PPP6R1: variants seen among roughly 807,000 people sequenced by gnomAD.
PPP6R1 encodes serine/threonine-protein phosphatase 6 regulatory subunit 1.
Under a neutral mutation model 104.6 loss-of-function variants are expected in PPP6R1, and 39 were observed. The observed-to-expected ratio is 0.37, with a 90% CI of 0.29 to 0.49. The LOEUF (loss-of-function observed/expected upper bound fraction) is 0.49, where lower values mean the gene tolerates loss of function less well. Among genes scored for constraint, PPP6R1 ranks in the 20% least tolerant of loss-of-function variants. The pLI, the probability that PPP6R1 is intolerant of heterozygous loss-of-function variation, is 0.98. For missense variants in PPP6R1, 1,181 were observed against 1,155.8 expected (o/e 1.02, Z -0.32); for synonymous variants, 549 against 479.0 (o/e 1.15, Z -1.91).
intron 1 of PPP6R1, among the ~76,000 whole-genome samples, chr19:55,252,440 C>T (rs1395881817): frequency 1.3e-5 from 2 of 151,082 alleles, no homozygotes; most frequent in Admixed American, 6.6e-5. Context: ...GCTCTGTCAC[C>T]CAGGCTGGAG....
rs574944380 is a variant in PPP6R1, at chr19:55,237,113, G to A, written c.1752-143C>T. The A allele has an allele frequency of 1.3e-3, 1,111 of 839,150 alleles. 4 individuals carry two copies. Among genetic ancestry groups the A allele is most frequent in the Non-Finnish European group, 8.0e-4 (407 of 506,636 alleles). 52.0% of individuals were successfully genotyped at this position (839,150 alleles called of 1,614,324 possible). ...GTATCTGCAAATTCACACACAACCC[G>A]AACCACTGGTCCTAAGGGGCAACGC... is the stretch of plus-strand genomic sequence containing the variant. On this transcript the variant is annotated intron_variant, in intron 15 of 23. Coordinates refer to ENST00000412770, the MANE Select transcript of PPP6R1 (RefSeq NM_014931.4).
chr19:55,243,097 T>C (rs1043731872), intron 5 of PPP6R1, among the ~76,000 whole-genome samples: 1 of 152,096 alleles, frequency 6.6e-6, no homozygotes, highest in Non-Finnish European at 1.5e-5. Flanking sequence ...TGATGGCACA[T>C]GCCTATAATC....
chr19:55,255,513 A>G (rs1430119445), intron 1 of PPP6R1, among the ~76,000 whole-genome samples: 3 of 152,190 alleles, frequency 2.0e-5, no homozygotes, highest in East Asian at 3.9e-4. Context: ...TGGGGTTACT[A>G]TAAGGCAGCA....
At chr19:55,238,144 T>A (rs2087415692) in intron 15 of PPP6R1, among the ~76,000 whole-genome samples, 1 of 151,548 alleles carries the variant, frequency 6.6e-6, no homozygotes, top group Non-Finnish European at 1.5e-5. Context: ...CAAGCGATCC[T>A]CCTGCCTCGG....
Position 55,236,947 on chromosome 19 carries a change from T to C in PPP6R1, c.1775A>G (p.Asn592Ser), listed in dbSNP as rs376126042. 2.5e-6 allele frequency: 4 copies of C among 1,613,202 alleles called. No homozygotes were observed. Among genetic ancestry groups the C allele is most frequent in the South Asian group, 1.1e-5 (1 of 91,044 alleles). ...SVNAPFDKTA[N>S]ITFSLNADDE... The stretch of plus-strand genomic sequence containing the variant: ...GTCAGCATTGAGGGAGAAGGTGATG[T>C]TGGCTGTCTTGTCAAAAGGTGCGCT... The change falls in exon 16 of 24, where the codon AAC (asparagine) becomes AGC (serine). Residue 592 changes from asparagine (N) to serine (S), a missense_variant. By Grantham distance (46) the Asn-to-Ser change is conservative. Transcript: ENST00000412770.
intron 11 of PPP6R1, 52 bp from the exon 12 acceptor site, chr19:55,240,166 C>G: frequency 1.9e-6 from 3 of 1,561,102 alleles, no homozygotes; most frequent in Non-Finnish European, 2.6e-6. Context: ...CCAGGGATGC[C>G]CAGCCCCAGC....
At chr19:55,228,982 T>C (rs1343537121), downstream of PPP6R1, 1 of 501,378 alleles carries the variant, frequency 2.0e-6, no homozygotes, top group East Asian at 3.2e-5. Flanking sequence ...TTCCTCCTCC[T>C]ATCTGCCTGG....
At chr19:55,240,462 C>T (rs945226848) in intron 10 of PPP6R1, among the ~76,000 whole-genome samples, 162 bp from the exon 11 acceptor site, 4 of 152,000 alleles carry the variant, frequency 2.6e-5, no homozygotes, top group African/African-American at 9.7e-5. Context: ...GCTTGGGACC[C>T]TGGCATCCAC....
intron 1 of PPP6R1, among the ~76,000 whole-genome samples, chr19:55,251,583 C>A (rs1334786963): frequency 1.3e-5 from 2 of 152,324 alleles, no homozygotes; most frequent in East Asian, 3.9e-4. Context: ...CAAGGAAATA[C>A]AACTGTTTCC....
chr19:55,245,731 G>A lies in PPP6R1; in HGVS notation c.228-53C>T, dbSNP rs1199964608. 3 of 1,405,894 alleles carry A rather than the reference G, an allele frequency of 2.1e-6. No individual in the cohort carries two copies. The highest frequency in any genetic ancestry group is 2.8e-5 in the African/African-American group (2 of 71,194). 87.1% of individuals were successfully genotyped at this position (1,405,894 alleles called of 1,614,324 possible). ...GCTCGGGTCGGAGGCCGGGGGCAGG[G>A]GGCGGCAAGGCTCCACCCTCTTCTC... is the stretch of plus-strand genomic sequence containing the variant. On this transcript the variant is annotated intron_variant, in intron 2 of 23. Coordinates refer to ENST00000412770, the MANE Select transcript of PPP6R1 (RefSeq NM_014931.4). The surrounding 1 kb of genome is among the most constrained non-coding windows in gnomAD (Gnocchi z 6.4).
At chr19:55,246,547 C>T (rs1031141499) in intron 2 of PPP6R1, among the ~76,000 whole-genome samples, 1 of 151,988 alleles carries the variant, frequency 6.6e-6, no homozygotes, top group East Asian at 1.9e-4. Context: ...TAAAAGGCGG[C>T]GAATAAAGAG....
rs548422497 is a variant in PPP6R1 at position 55,246,578 on chromosome 19, G to A, written c.227+299C>T. Among the ~76,000 whole-genome samples, 4 of 152,296 alleles carry A rather than the reference G, an allele frequency of 2.6e-5. No individual in the cohort carries two copies. The East Asian group carries it at 5.8e-4, about 22-fold the overall frequency. ...AAGAGAAAAACCAGCCGGGCATGTC[G>A]TCACATGCCTGTGGTCCCAGCTACT... On this transcript the variant is annotated intron_variant, in intron 2 of 23. Transcript: ENST00000412770.
chr19:55,228,749 T>C (rs1242461685), downstream of PPP6R1: 1 of 1,612,838 alleles, frequency 6.2e-7, no homozygotes, highest in Non-Finnish European at 8.5e-7. Context: ...CATGCTGGCC[T>C]GATAGCCCCA....
Position 55,236,966 on chromosome 19 carries a change from G to A in PPP6R1, c.1756C>T (p.Pro586Ser), listed in dbSNP as rs746572417. 3.7e-6 allele frequency: 6 copies of A among 1,611,606 alleles called. No individual in the cohort carries two copies. Among genetic ancestry groups the A allele is most frequent in the Non-Finnish European group, 5.1e-6 (6 of 1,177,714 alleles). The change falls in exon 16 of 24, where the codon CCT becomes TCT. Residue 586 changes from proline (P) to serine (S), a missense_variant. By Grantham distance (74) the Pro-to-Ser change is moderately conservative (BLOSUM62 -1). This residue lies in a region of PPP6R1 where 1,042 missense variants were observed against 955.6 expected (regional missense o/e 1.09). Transcript: ENST00000412770. ...FGEQEESVNA[P>S]FDKTANITFS... is the part of the protein sequence containing the mutation. ...GTGATGTTGGCTGTCTTGTCAAAAG[G>A]TGCGCTAGGAGAGAAGGCAAGGCAT...
chr19:55,239,728 C>A (rs776308018), intron 13 of PPP6R1, 45 bp from the exon 14 acceptor site: 1 of 1,587,724 alleles, frequency 6.3e-7, no homozygotes, highest in Non-Finnish European at 8.6e-7. Flanking sequence ...GCCCCCAGAC[C>A]AGGGTGGGCA....
At position 55,242,499 on chromosome 19, in the gene PPP6R1, G is replaced by A. The variant is rs547390966; in HGVS notation, c.619-11C>T. 3 of 1,608,310 alleles carry A rather than the reference G, an allele frequency of 1.9e-6. No homozygotes were observed. Among genetic ancestry groups the A allele is most frequent in the African/African-American group, 1.3e-5 (1 of 74,928 alleles). ...TGCGTTGGAATGTTGCTGGAACGGG[G>A]AGAGACAGGTGAGGATCCTGGTCGG... On this transcript the variant is annotated splice_polypyrimidine_tract_variant and intron_variant, in intron 5 of 23. Coordinates refer to ENST00000412770, the MANE Select transcript of PPP6R1 (RefSeq NM_014931.4).
At chr19:55,244,863 C>T (rs2087492590) in intron 5 of PPP6R1, among the ~76,000 whole-genome samples, 2 of 152,036 alleles carry the variant, frequency 1.3e-5, no homozygotes, top group South Asian at 2.1e-4. Context: ...CCTACCTGAG[C>T]TTCCCAAGTA....
intron 5 of PPP6R1, among the ~76,000 whole-genome samples, chr19:55,244,359 C>T (rs2087487079): frequency 6.6e-6 from 1 of 152,210 alleles, no homozygotes; most frequent in South Asian, 2.1e-4. Context: ...AGATGGAGAC[C>T]CAAGCTGGAG....
chr19:55,235,273 G>A (rs550726890), intron 17 of PPP6R1, among the ~76,000 whole-genome samples: 1 of 151,788 alleles, frequency 6.6e-6, no homozygotes, highest in South Asian at 2.1e-4. Flanking sequence ...GGAGAGGGAC[G>A]TCATCATCTC....
Sources: allele counts gnomAD v4.1 joint callset (sites outside exome capture counted in the v4.1 genomes callset), GRCh38; gene constraint gnomAD v4.1.1; regional missense constraint gnomAD v4.1.1; non-coding constraint Gnocchi (gnomAD v3.1); transcripts MANE v1.5; gene names NCBI Gene and HGNC (gene_info 2026-07-23, HGNC 2026-07-21).